The following FHL2 variants were observed in gnomAD, a reference collection of about 807,000 sequenced individuals.
FHL2 encodes the protein four and a half LIM domains protein 2.
In FHL2, 20 loss-of-function variants were observed where a neutral mutation model predicts 32.7. The ratio of observed to expected loss-of-function variants is 0.61; its 90% CI spans 0.43 to 0.89. The LOEUF (loss-of-function observed/expected upper bound fraction) is 0.89, where lower values mean the gene tolerates loss of function less well. FHL2 is among the 40% of genes least tolerant of loss of function. The probability of loss-of-function intolerance (pLI) is 0.00; values close to 1 mark genes in which losing one functional copy is unlikely to be tolerated. For synonymous variants in FHL2, 123 were observed against 128.1 expected (o/e 0.96, Z 0.27); for missense variants, 311 against 358.6 (o/e 0.87, Z 1.07).
intron 2 of FHL2, among the ~76,000 whole-genome samples, chr2:105,392,503 G>T (rs1418500218): frequency 2.0e-5 from 3 of 152,014 alleles, no homozygotes; most frequent in Admixed American, 6.6e-5. Context: ...AAAAGAAAAA[G>T]AAATAAAAAG....
At chr2:105,427,693 G>GTT (rs1684307474) in intron 1 of FHL2, among the ~76,000 whole-genome samples, 1 of 152,138 alleles carries the variant, frequency 6.6e-6, no homozygotes, top group Admixed American at 6.5e-5. Flanking sequence ...AGTGTTTGAG[G>GTT]TTGCAGGCAA....
chr2:105,430,726 G>T (rs1164227490), intron 1 of FHL2, among the ~76,000 whole-genome samples: 1 of 152,136 alleles, frequency 6.6e-6, no homozygotes, highest in Non-Finnish European at 1.5e-5. Flanking sequence ...TAGGAGTTGG[G>T]TATAAAGAAA....
At chr2:105,423,522 TGAG>T (rs1250114128) in intron 1 of FHL2, among the ~76,000 whole-genome samples, 1 of 152,204 alleles carries the variant, frequency 6.6e-6, no homozygotes, top group Non-Finnish European at 1.5e-5. Context: ...TCACAGCCAT[TGAG>T]GAATCCACCA....
intron 2 of FHL2, among the ~76,000 whole-genome samples, chr2:105,396,086 CTT>C (rs984496492): frequency 1.6e-4 from 24 of 152,202 alleles, no homozygotes; most frequent in Admixed American, 7.8e-4. Context: ...GGTGGGGAGA[CTT>C]TTTAAATAGA....
intron 4 of FHL2, 130 bp downstream of exon 4, chr2:105,373,429 C>A: frequency 1.1e-6 from 1 of 888,872 alleles, no homozygotes; most frequent in South Asian, 1.5e-5. Flanking sequence ...TACTCCTCTG[C>A]AGTTCAAGGT....
At chr2:105,430,906 T>C (rs1398516356) in intron 1 of FHL2, among the ~76,000 whole-genome samples, 1 of 152,228 alleles carries the variant, frequency 6.6e-6, no homozygotes, top group Non-Finnish European at 1.5e-5. Context: ...ATACCCATTA[T>C]GTCCAATCAC....
At chr2:105,434,722 G>C (rs1684537380) in intron 1 of FHL2, among the ~76,000 whole-genome samples, 1 of 152,072 alleles carries the variant, frequency 6.6e-6, no homozygotes. Flanking sequence ...CTATAGTGCT[G>C]TTGTATTAAA....
intron 1 of FHL2, among the ~76,000 whole-genome samples, chr2:105,397,332 C>G (rs1231445618): frequency 6.6e-6 from 1 of 152,032 alleles, no homozygotes; most frequent in Non-Finnish European, 1.5e-5. Context: ...AAAAATGAGG[C>G]TATCAAATAT....
chr2:105,419,072 C>G (rs1239740258), intron 1 of FHL2, among the ~76,000 whole-genome samples: 1 of 152,068 alleles, frequency 6.6e-6, no homozygotes, highest in East Asian at 1.9e-4. Flanking sequence ...TATGTCTGTC[C>G]ACAAAGTAGG....
In FHL2 at chr2:105,399,046, C is replaced by CTG; in HGVS notation, c.-281_-280insCA. ...CTGGTGGCTGCGGCTCCGCTGCCGG[C>CTG]CGAGTGGAGCGCTGCGCAGCTCCCG... On this transcript the variant is annotated 5_prime_UTR_variant, in exon 1 of 7. Coordinates refer to ENST00000530340, the MANE Select transcript of FHL2 (RefSeq NM_001318895.3). The CTG allele has an allele frequency of 6.7e-7, 1 of 1,496,590 alleles. No homozygotes were observed. The highest frequency in any genetic ancestry group is 8.9e-7 in the Non-Finnish European group (1 of 1,125,700). 92.7% of individuals were successfully genotyped at this position (1,496,590 alleles called of 1,614,324 possible).
chr2:105,412,068 C>A (rs1468146918), intron 1 of FHL2, among the ~76,000 whole-genome samples: 1 of 152,154 alleles, frequency 6.6e-6, no homozygotes, highest in Non-Finnish European at 1.5e-5. Flanking sequence ...TGAAAGTATA[C>A]CCCACTTCTG....
chr2:105,392,512 A>G (rs957071604), intron 2 of FHL2, among the ~76,000 whole-genome samples: 1 of 152,164 alleles, frequency 6.6e-6, no homozygotes, highest in African/African-American at 2.4e-5. Flanking sequence ...AGAAATAAAA[A>G]GGATGTAAGA....
At chr2:105,373,855 G>A (rs1681276058) in intron 3 of FHL2, 122 bp from the exon 4 acceptor site, 2 of 848,540 alleles carry the variant, frequency 2.4e-6, no homozygotes, top group Admixed American at 4.4e-5. Context: ...AGGCACCCTG[G>A]CGCACCCACA....
upstream of FHL2, chr2:105,399,294 C>A: frequency 6.5e-7 from 1 of 1,535,812 alleles, no homozygotes; most frequent in Non-Finnish European, 8.7e-7. Flanking sequence ...GGAGCGTCGC[C>A]TCCGGCGTGG....
chr2:105,389,002 A>G (rs1682527610), intron 2 of FHL2, among the ~76,000 whole-genome samples: 1 of 152,240 alleles, frequency 6.6e-6, no homozygotes, highest in African/African-American at 2.4e-5. Flanking sequence ...TGATTACAGT[A>G]ATTTTGTACT....
chr2:105,422,053 G>A (rs762719977), intron 1 of FHL2, among the ~76,000 whole-genome samples: 100 of 152,190 alleles, frequency 6.6e-4, no homozygotes, highest in Middle Eastern at 3.2e-3. Context: ...AAAGAATCAC[G>A]GTGGAGGGCA....
chr2:105,397,759 T>C (rs1321972435), intron 1 of FHL2, among the ~76,000 whole-genome samples: 1 of 152,238 alleles, frequency 6.6e-6, no homozygotes, highest in East Asian at 1.9e-4. Context: ...CAGTAACACT[T>C]GACAAAATTT....
At chr2:105,396,791 C>T (rs11884297) in intron 1 of FHL2, 94 bp from the exon 2 acceptor site, 446,744 of 1,082,602 alleles carry the variant, frequency 0.41, 94,988 homozygotes, top group Admixed American at 0.55. Flanking sequence ...ATAAATGTGG[C>T]TTTGATCAAA....
intron 5 of FHL2, among the ~76,000 whole-genome samples, chr2:105,366,228 A>T (rs2679880): frequency 0.16 from 24,873 of 152,062 alleles, 2,268 homozygotes; most frequent in South Asian, 0.22. Context: ...AAAAAAAAAA[A>T]GGAAATGAGA....
Sources: gnomAD v4.1 joint callset for allele counts (sites outside exome capture counted in the v4.1 genomes callset) on GRCh38, gnomAD v4.1.1 for gene constraint, MANE v1.5 for transcripts, NCBI Gene and HGNC (gene_info 2026-07-23, HGNC 2026-07-21) for gene names.